The following ARHGEF7 variants were observed in gnomAD, a reference collection of about 807,000 sequenced individuals.
The protein encoded by ARHGEF7 is Rho guanine nucleotide exchange factor 7, also known as PAK-interacting exchange factor beta.
In ARHGEF7, 33 loss-of-function variants were observed where a neutral mutation model predicts 109.8. That is an observed-to-expected ratio of 0.30 (90% CI 0.23 to 0.40). The LOEUF (loss-of-function observed/expected upper bound fraction) is 0.40. ARHGEF7 is among the 10% of genes least tolerant of loss of function. The pLI is 1.00. For missense variants in ARHGEF7, 938 were observed against 1,098.5 expected (o/e 0.85, Z 2.07); for synonymous variants, 458 against 424.6 (o/e 1.08, Z -0.97).
chr13:111,126,339 A>C (rs1263334049), intron 1 of ARHGEF7, among the ~76,000 whole-genome samples: 1 of 152,190 alleles, frequency 6.6e-6, no homozygotes, highest in Non-Finnish European at 1.5e-5. Flanking sequence ...AAAATACAAA[A>C]ATTAGCTGGG....
intron 10 of ARHGEF7, 80 bp downstream of exon 10, chr13:111,274,032 T>C (rs2092336817): frequency 2.0e-6 from 3 of 1,496,076 alleles, no homozygotes; most frequent in East Asian, 2.3e-5. Context: ...AAGAAAGTAT[T>C]ATTCATGATT....
chr13:111,266,932 C>T lies in ARHGEF7; in HGVS notation c.951-616C>T, dbSNP rs1266247911. 2 of 455,626 alleles carry T rather than the reference C, an allele frequency of 4.4e-6. No individual in the cohort carries two copies. Among genetic ancestry groups the T allele is most frequent in the East Asian group, 6.9e-5 (1 of 14,390 alleles). 28.2% of individuals were successfully genotyped at this position (455,626 alleles called of 1,614,324 possible). A position where few individuals can be genotyped will look rare whatever the true frequency, so the allele number is the denominator to read the frequency against. ...GGCACACCCAACACTGAGGCGGCAC[C>T]ACCAGGGGCCCTGATGCCCACAGCT... On this transcript the variant is annotated intron_variant, in intron 8 of 21. Transcript: ENST00000646102. The surrounding 1 kb of genome is among the most constrained non-coding windows in gnomAD (Gnocchi z 4.8).
At chr13:111,175,523 G>T (rs1021443046) in intron 2 of ARHGEF7, among the ~76,000 whole-genome samples, 4 of 152,202 alleles carry the variant, frequency 2.6e-5, no homozygotes, top group African/African-American at 9.6e-5. Context: ...AATTGAGCCT[G>T]CCTGCTGCAG....
intron 1 of ARHGEF7, among the ~76,000 whole-genome samples, chr13:111,148,034 C>A (rs560754065): frequency 6.6e-6 from 1 of 152,310 alleles, no homozygotes; most frequent in East Asian, 1.9e-4. Context: ...TCTAGCCCTG[C>A]CCTATCTCTG....
intron 4 of ARHGEF7, among the ~76,000 whole-genome samples, chr13:111,213,072 G>C (rs1362380831): frequency 6.6e-6 from 1 of 152,218 alleles, no homozygotes; most frequent in Non-Finnish European, 1.5e-5. Context: ...GAGCGGAGGA[G>C]AGGGTATTGT....
chr13:111,235,123 A>G (rs2086625083), intron 6 of ARHGEF7, among the ~76,000 whole-genome samples: 2 of 152,356 alleles, frequency 1.3e-5, no homozygotes, highest in South Asian at 4.1e-4. Flanking sequence ...TGAATAACAC[A>G]GCCACAATCC....
At chr13:111,220,039 G>T (rs9515396) in intron 5 of ARHGEF7, among the ~76,000 whole-genome samples, 1 of 152,046 alleles carries the variant, frequency 6.6e-6, no homozygotes, top group Non-Finnish European at 1.5e-5. Context: ...CAGTTGGATG[G>T]CACTGGCCTG....
rs776843004 is a variant in ARHGEF7 at position 111,302,967 on chromosome 13, C to A, written c.2467-24C>A. 5.0e-6 allele frequency: 8 copies of A among 1,613,234 alleles called. No homozygotes were observed. In the South Asian group the frequency reaches 8.8e-5, roughly 18 times the overall value. ...TACGCGATGCCAAAGATAGTGAACA[C>A]CCTGTGGTCTGCTTAATTTACAGGA... is the stretch of plus-strand genomic sequence containing the variant. On this transcript the variant is annotated intron_variant, in intron 21 of 21. Coordinates refer to ENST00000646102, the MANE Select transcript of ARHGEF7 (RefSeq NM_001354046.2).
At chr13:111,281,366 T>C (rs2092772063) in intron 15 of ARHGEF7, among the ~76,000 whole-genome samples, 1 of 152,096 alleles carries the variant, frequency 6.6e-6, no homozygotes, top group South Asian at 2.1e-4. Context: ...TGAATGACGA[T>C]GACACAGGCG....
intron 6 of ARHGEF7, among the ~76,000 whole-genome samples, chr13:111,240,539 C>T (rs984395992): frequency 6.6e-6 from 1 of 151,636 alleles, no homozygotes; most frequent in Non-Finnish European, 1.5e-5. Flanking sequence ...ACACTCCTTC[C>T]TCCTCCTCCT....
intron 5 of ARHGEF7, among the ~76,000 whole-genome samples, chr13:111,221,614 TTATA>T (rs1431464877): frequency 4.1e-4 from 47 of 114,066 alleles, no homozygotes; most frequent in African/African-American, 1.6e-3. Context: ...TATCTCCCCT[TTATA>T]TGTATATATA....
intron 5 of ARHGEF7, among the ~76,000 whole-genome samples, chr13:111,227,670 C>T (rs1007218364): frequency 1.3e-5 from 2 of 152,204 alleles, no homozygotes; most frequent in Admixed American, 6.5e-5. Flanking sequence ...CAGGGTCTCC[C>T]TGTGTACCCC....
rs749129055 is a variant in ARHGEF7 at position 111,301,522 on chromosome 13, A to C, written c.2456A>C (p.Glu819Ala). 1 of 1,611,236 alleles carries C rather than the reference A, an allele frequency of 6.2e-7. No homozygotes were observed. The highest frequency in any genetic ancestry group is 1.1e-5 in the South Asian group (1 of 90,888). Residue 819 changes from glutamate (E) to alanine (A), a missense_variant, in exon 21 of 22, where the codon GAA becomes GCA. By Grantham distance (107) the Glu-to-Ala change is moderately radical. Coordinates refer to ENST00000646102, the MANE Select transcript of ARHGEF7 (RefSeq NM_001354046.2). ...TATGCATTAAAGGATGAAGTTCAAG[A>C]ATTAAGACAGGTACGTCATAATCCA... Reference protein sequence around the residue: ...TVYALKDEVQELRQDNKKMKK... With the variant: ...TVYALKDEVQALRQDNKKMKK...
chr13:111,265,447 G>T (rs1037099517), intron 8 of ARHGEF7: 4 of 391,310 alleles, frequency 1.0e-5, no homozygotes, highest in African/African-American at 2.1e-5. Flanking sequence ...CCTAATACTT[G>T]TGACTTGCTG....
intron 1 of ARHGEF7, among the ~76,000 whole-genome samples, chr13:111,139,806 C>T (rs553128214): frequency 5.3e-5 from 8 of 152,374 alleles, no homozygotes; most frequent in Admixed American, 4.6e-4. Flanking sequence ...AGCCATGGGC[C>T]TGCAGGTGGG....
At chr13:111,171,170 T>A (rs143674478) in intron 2 of ARHGEF7, among the ~76,000 whole-genome samples, 1 of 152,374 alleles carries the variant, frequency 6.6e-6, no homozygotes, top group African/African-American at 2.4e-5. Context: ...TTCAGGGCTC[T>A]GTATAACCAA....
chr13:111,280,780 G>C, intron 15 of ARHGEF7, 103 bp downstream of exon 15: 1 of 1,292,746 alleles, frequency 7.7e-7, no homozygotes, highest in Non-Finnish European at 1.0e-6. Context: ...TCAATATTTG[G>C]ATAAAAAGTG....
At chr13:111,264,164 AACTGCATG>A (rs1174479612) in intron 8 of ARHGEF7, among the ~76,000 whole-genome samples, 2 of 152,160 alleles carry the variant, frequency 1.3e-5, no homozygotes, top group African/African-American at 4.8e-5. Context: ...GCACCATAAT[AACTGCATG>A]ACACATTCAG....
chr13:111,139,696 G>C (rs1317402510), intron 1 of ARHGEF7, among the ~76,000 whole-genome samples: 1 of 152,234 alleles, frequency 6.6e-6, no homozygotes, highest in Non-Finnish European at 1.5e-5. Flanking sequence ...ACCCAATTTG[G>C]GGCCTGCGAT....
Sources: gnomAD v4.1 joint callset for allele counts (sites outside exome capture counted in the v4.1 genomes callset) on GRCh38, gnomAD v4.1.1 for gene constraint, Gnocchi (gnomAD v3.1) non-coding constraint, MANE v1.5 for transcripts, NCBI Gene and HGNC (gene_info 2026-07-23, HGNC 2026-07-21) for gene names.